PCDHA2: variants seen among roughly 807,000 people sequenced by gnomAD.
PCDHA2 encodes protocadherin alpha 2, also known as protocadherin alpha-2.
A neutral mutation model predicts 66.0 loss-of-function variants in PCDHA2; 58 were observed. That is an observed-to-expected ratio of 0.88 (90% confidence interval 0.71 to 1.09). PCDHA2 has a LOEUF of 1.09. Among genes scored for constraint, PCDHA2 ranks in the 50% least tolerant of loss-of-function variants. The probability of loss-of-function intolerance (pLI) is 0.00; values close to 1 mark genes in which losing one functional copy is unlikely to be tolerated. For synonymous variants in PCDHA2, 634 were observed against 554.0 expected, an observed-to-expected ratio of 1.14 and a Z score of -2.03; for missense variants, 1,267 against 1,242.3, an observed-to-expected ratio of 1.02 and a Z score of -0.30.
Position 140,936,735 on chromosome 5 carries a change from A to G in PCDHA2, c.2389-42214A>G, listed in dbSNP as rs75635765. 5.4e-3 allele frequency among the ~76,000 whole-genome samples: 829 copies of G among 152,226 alleles called. 3 individuals carry two copies. The highest frequency in any genetic ancestry group is 0.019 in the African/African-American group (798 of 41,528). ...AATACATTCTGTGTTAAATATAGTA[A>G]CTTTTCATTTGTATTGATATCTAAT... On this transcript the variant is annotated intron_variant, in intron 1 of 3. Coordinates refer to ENST00000526136, the MANE Select transcript of PCDHA2 (RefSeq NM_018905.3).
intron 1 of PCDHA2, chr5:140,875,919 C>G: frequency 2.5e-6 from 4 of 1,614,168 alleles, no homozygotes; most frequent in Non-Finnish European, 3.4e-6. Flanking sequence ...CGCCTCTGGA[C>G]TCTCATTTTC....
At chr5:140,967,405 G>A in intron 1 of PCDHA2, 1 of 1,612,164 alleles carries the variant, frequency 6.2e-7, no homozygotes, top group Non-Finnish European at 8.5e-7. Context: ...TGCTGCGTAA[G>A]GGCCTAGACC....
chr5:140,830,221 G>T (rs2150182953), intron 1 of PCDHA2: 1 of 1,613,892 alleles, frequency 6.2e-7, no homozygotes, highest in South Asian at 1.1e-5. Flanking sequence ...TATCCAGCCT[G>T]CTGGTCCTCA....
Position 140,877,355 on chromosome 5 carries a change from C to T in PCDHA2, c.2388+80003C>T. On this transcript the variant is annotated intron_variant, in intron 1 of 3. Coordinates refer to ENST00000526136, the MANE Select transcript of PCDHA2 (RefSeq NM_018905.3). ...ATCCCGTTCCACGTGGGGCTGTACA[C>T]TGGCGAGATCAGCACGACACGCATC... 1.2e-6 allele frequency: 2 copies of T among 1,614,012 alleles called. No homozygotes were observed. Among genetic ancestry groups the T allele is most frequent in the Non-Finnish European group, 8.5e-7 (1 of 1,179,888 alleles).
rs201652283 is a variant in PCDHA2, at chr5:141,009,916, G to A, written c.2826G>A (p.Thr942=). The A allele has an allele frequency of 4.3e-6, 7 of 1,611,506 alleles. No homozygotes were observed. The highest frequency in any genetic ancestry group is 2.2e-5 in the East Asian group (1 of 44,862). ...TQEKKEKGNS[T]TDNSDQ is the part of the protein sequence containing the mutation. The stretch of plus-strand genomic sequence containing the variant: ...AGAAAAAAGAGAAAGGGAACAGCAC[G>A]ACTGACAACAGTGACCAGTGAGGTC... Residue 942 remains threonine (T), a synonymous_variant, in exon 4 of 4, where the codon ACG becomes ACA. Coordinates refer to ENST00000526136, the MANE Select transcript of PCDHA2 (RefSeq NM_018905.3).
At chr5:140,923,304 G>T (rs933906504) in intron 1 of PCDHA2, among the ~76,000 whole-genome samples, 2 of 152,172 alleles carry the variant, frequency 1.3e-5, no homozygotes, top group East Asian at 3.9e-4. Context: ...TGGGCGTGGG[G>T]GCGCTTGGCC....
At chr5:140,850,426 G>T (rs2150483795) in intron 1 of PCDHA2, 2 of 1,597,836 alleles carry the variant, frequency 1.3e-6, no homozygotes, top group Non-Finnish European at 1.7e-6. Flanking sequence ...GACGCACCGC[G>T]CCAGCGCCTA....
At chr5:140,823,176 C>A (rs2150123145) in intron 1 of PCDHA2, 2 of 1,613,936 alleles carry the variant, frequency 1.2e-6, no homozygotes, top group African/African-American at 2.7e-5. Flanking sequence ...AGGAGAACAA[C>A]CCGCCAGGCT....
chr5:140,892,332 T>C (rs552266223), intron 1 of PCDHA2, among the ~76,000 whole-genome samples: 41 of 152,392 alleles, frequency 2.7e-4, no homozygotes, highest in African/African-American at 9.9e-4. Flanking sequence ...TTCTCCAGAA[T>C]GGATTTTAAT....
intron 1 of PCDHA2, chr5:140,868,976 T>C: frequency 6.7e-7 from 1 of 1,481,558 alleles, no homozygotes; most frequent in Non-Finnish European, 9.0e-7. Context: ...AACTCCATCA[T>C]ACCGGATGCC....
At chr5:140,834,699 C>T (rs2150224551) in intron 1 of PCDHA2, 1 of 1,614,262 alleles carries the variant, frequency 6.2e-7, no homozygotes. Flanking sequence ...CAGCATCCAC[C>T]TGGAGGTGAT....
chr5:140,868,950 C>T, intron 1 of PCDHA2: 2 of 1,308,056 alleles, frequency 1.5e-6, no homozygotes, highest in Admixed American at 5.4e-5. Flanking sequence ...AACAGTGAGG[C>T]ACTCCCATAC....
chr5:140,836,008 T>C (rs2150250526), intron 1 of PCDHA2: 4 of 1,613,236 alleles, frequency 2.5e-6, no homozygotes, highest in Non-Finnish European at 3.4e-6. Flanking sequence ...GATGCGGGCG[T>C]GCCGCCTCTG....
intron 1 of PCDHA2, among the ~76,000 whole-genome samples, chr5:140,934,142 T>C (rs1359446492): frequency 1.3e-5 from 2 of 152,170 alleles, no homozygotes; most frequent in African/African-American, 4.8e-5. Context: ...TTTCCTTCCT[T>C]ATATGTTTAT....
chr5:140,925,026 G>A (rs1440774987), intron 1 of PCDHA2, among the ~76,000 whole-genome samples: 1 of 151,826 alleles, frequency 6.6e-6, no homozygotes, highest in Non-Finnish European at 1.5e-5. Flanking sequence ...TGGGAGGATC[G>A]CTTGAGCCCA....
Position 140,856,069 on chromosome 5 carries a change from C to A in PCDHA2, c.2388+58717C>A, listed in dbSNP as rs149846721. ...ATAAGATGGTTTCCAGATGTAGCTG[C>A]CTGGGGGTCCAGTGTCTGCTGCTCT... On this transcript the variant is annotated intron_variant, in intron 1 of 3. Coordinates refer to ENST00000526136, the MANE Select transcript of PCDHA2 (RefSeq NM_018905.3). 5 of 1,591,600 alleles carry A rather than the reference C, an allele frequency of 3.1e-6. 1 individual carries two copies. Among genetic ancestry groups the A allele is most frequent in the Non-Finnish European group, 4.3e-6 (5 of 1,163,516 alleles).
Position 140,795,132 on chromosome 5 carries a change from G to A in PCDHA2, c.168G>A (p.Leu56=), listed in dbSNP as rs1761920502. The part of the protein sequence containing the change: ...GRIAQDLGLE[L]EELVPRLFRV... Reference sequence around the variant, plus strand: ...TCGCGCAGGACCTGGGGCTGGAGCTGGAGGAGCTGGTGCCGCGCCTGTTCC... The same window carrying A: ...TCGCGCAGGACCTGGGGCTGGAGCTAGAGGAGCTGGTGCCGCGCCTGTTCC... The change falls in exon 1 of 4, where the codon CTG becomes CTA. Residue 56 remains leucine, a synonymous_variant. Coordinates refer to ENST00000526136, the MANE Select transcript of PCDHA2 (RefSeq NM_018905.3). 6.2e-7 allele frequency: 1 copy of A among 1,613,936 alleles called. No individual in the cohort carries two copies. Among genetic ancestry groups the A allele is most frequent in the Non-Finnish European group, 8.5e-7 (1 of 1,180,040 alleles).
intron 1 of PCDHA2, among the ~76,000 whole-genome samples, chr5:140,878,595 A>G (rs1413193453): frequency 6.6e-6 from 1 of 152,192 alleles, no homozygotes; most frequent in East Asian, 1.9e-4. Flanking sequence ...CCTATTACCA[A>G]GTGAATCTTC....
rs1582078645 is a variant in PCDHA2, at chr5:140,872,401, A to G, written c.2388+75049A>G. Among the ~76,000 whole-genome samples the G allele has an allele frequency of 2.0e-5, 3 of 152,246 alleles. No homozygotes were observed. In the East Asian group the frequency reaches 5.8e-4, roughly 29 times the overall value. ...CAGCTATTTGGGAGGCTGAGGCAGG[A>G]GAATTGCTTGAGCCCAAGAGTTCGA... On this transcript the variant is annotated intron_variant, in intron 1 of 3. Transcript: ENST00000526136.
Sources: allele counts gnomAD v4.1 joint callset (sites outside exome capture counted in the v4.1 genomes callset), GRCh38; gene constraint gnomAD v4.1.1; transcripts MANE v1.5; gene names NCBI Gene and HGNC (gene_info 2026-07-23, HGNC 2026-07-21).